CCSER1: variants seen among roughly 807,000 people sequenced by gnomAD.
CCSER1 encodes coiled-coil serine rich protein 1, also known as serine-rich coiled-coil domain-containing protein 1.
In CCSER1, 41 loss-of-function variants were observed where a neutral mutation model predicts 82.0. That is an observed-to-expected ratio of 0.50 (90% CI 0.39 to 0.65). CCSER1 has a LOEUF of 0.65. Among genes scored for constraint, CCSER1 ranks in the 30% least tolerant of loss-of-function variants. CCSER1 has a pLI of 0.00. For missense variants in CCSER1, 1,119 were observed against 1,064.2 expected, an observed-to-expected ratio of 1.05 and a Z score of -0.72; for synonymous variants, 414 against 383.9, an observed-to-expected ratio of 1.08 and a Z score of -0.92.
At chr4:91,080,138 T>C (rs1722540674) in intron 9 of CCSER1, among the ~76,000 whole-genome samples, 3 of 152,106 alleles carry the variant, frequency 2.0e-5, no homozygotes, top group Admixed American at 2.0e-4. Context: ...CACATCACAC[T>C]TACTCCAATA....
intron 10 of CCSER1, among the ~76,000 whole-genome samples, chr4:91,256,930 A>G (rs1740737855): frequency 6.6e-6 from 1 of 152,206 alleles, no homozygotes; most frequent in South Asian, 2.1e-4. Flanking sequence ...TGGCTGACAT[A>G]TTCTTTCTTT....
intron 8 of CCSER1, among the ~76,000 whole-genome samples, chr4:90,824,624 G>A (rs1760176315): frequency 1.3e-5 from 2 of 152,016 alleles, no homozygotes; most frequent in Non-Finnish European, 2.9e-5. Flanking sequence ...CATTCTTTGT[G>A]CATGAAAATC....
chr4:90,424,637 G>A (rs1394923850), intron 4 of CCSER1, among the ~76,000 whole-genome samples: 1 of 152,104 alleles, frequency 6.6e-6, no homozygotes. Flanking sequence ...ATTACTCATA[G>A]TCTACATTTT....
At chr4:90,322,048 A>AT (rs949125965) in intron 3 of CCSER1, among the ~76,000 whole-genome samples, 7 of 151,966 alleles carry the variant, frequency 4.6e-5, no homozygotes, top group Non-Finnish European at 1.0e-4. Flanking sequence ...TAGTCAGGAC[A>AT]TTTTTGCCAA....
At chr4:91,472,357 A>G (rs539786301) in intron 10 of CCSER1, among the ~76,000 whole-genome samples, 3 of 152,342 alleles carry the variant, frequency 2.0e-5, no homozygotes, top group East Asian at 3.9e-4. Flanking sequence ...AAGGAACTCA[A>G]GAGTCTCAAA....
rs549861862 is a variant in CCSER1, at chr4:91,190,969, C to T, written c.2217+104975C>T. Among the ~76,000 whole-genome samples, 53 of 152,216 alleles carry T rather than the reference C, an allele frequency of 3.5e-4. No homozygotes were observed. The East Asian group carries it at 9.8e-3, about 28-fold the overall frequency. On this transcript the variant is annotated intron_variant, in intron 10 of 10. Coordinates refer to ENST00000509176, the MANE Select transcript of CCSER1 (RefSeq NM_001145065.2). ...ATAACACTGCCCACCTGGTTGTTAT[C>T]AGGATTAAATGAGTTAATCAGAATA...
chr4:90,329,184 A>C (rs923010038), intron 3 of CCSER1, among the ~76,000 whole-genome samples: 3 of 152,276 alleles, frequency 2.0e-5, no homozygotes, highest in African/African-American at 7.2e-5. Flanking sequence ...CTTTTTTGTC[A>C]GTTAGATGTG....
At chr4:90,654,726 A>T (rs1287650142) in intron 6 of CCSER1, among the ~76,000 whole-genome samples, 1 of 152,086 alleles carries the variant, frequency 6.6e-6, no homozygotes, top group Non-Finnish European at 1.5e-5. Context: ...TATCTCTGTA[A>T]GTGAAAGAAT....
chr4:91,036,932 G>T (rs550571360), intron 9 of CCSER1, among the ~76,000 whole-genome samples: 2 of 151,956 alleles, frequency 1.3e-5, no homozygotes, highest in South Asian at 2.1e-4. Flanking sequence ...ACAAAAATTA[G>T]CCAGGGGTGG....
intron 1 of CCSER1, among the ~76,000 whole-genome samples, chr4:90,163,746 G>A (rs1382219735): frequency 6.6e-6 from 1 of 151,940 alleles, no homozygotes; most frequent in African/African-American, 2.4e-5. Flanking sequence ...TATTATAAAT[G>A]CTCTAACTTT....
intron 3 of CCSER1, among the ~76,000 whole-genome samples, chr4:90,394,185 C>T (rs920956577): frequency 6.6e-6 from 1 of 150,774 alleles, no homozygotes; most frequent in Non-Finnish European, 1.5e-5. Flanking sequence ...TTCACACTAA[C>T]CAAACATAAG....
intron 5 of CCSER1, among the ~76,000 whole-genome samples, chr4:90,601,897 A>G (rs1448146641): frequency 3.3e-5 from 5 of 151,892 alleles, no homozygotes; most frequent in Non-Finnish European, 7.4e-5. Flanking sequence ...TTTTAATTTT[A>G]TTTGGTCAGA....
intron 5 of CCSER1, among the ~76,000 whole-genome samples, chr4:90,620,113 A>C (rs916838952): frequency 1.3e-5 from 2 of 152,202 alleles, no homozygotes; most frequent in African/African-American, 4.8e-5. Flanking sequence ...TAAAATTAAT[A>C]AAATTTTGGA....
chr4:91,538,138 C>T (rs1406039547), intron 10 of CCSER1, among the ~76,000 whole-genome samples: 1 of 151,932 alleles, frequency 6.6e-6, no homozygotes, highest in Non-Finnish European at 1.5e-5. Flanking sequence ...TTTAAATTTT[C>T]TTGTTTACTC....
At chr4:90,792,899 C>A (rs926494474) in intron 7 of CCSER1, among the ~76,000 whole-genome samples, 4 of 152,104 alleles carry the variant, frequency 2.6e-5, no homozygotes, top group Non-Finnish European at 5.9e-5. Context: ...AAGGGGAGTG[C>A]TGATAGGGCT....
At chr4:90,481,926 G>T (rs930163172) in intron 5 of CCSER1, among the ~76,000 whole-genome samples, 7 of 152,150 alleles carry the variant, frequency 4.6e-5, no homozygotes, top group African/African-American at 7.2e-5. Flanking sequence ...CTATTGATTG[G>T]AATAGTTTCA....
chr4:90,648,127 C>A (rs530555779), intron 6 of CCSER1, among the ~76,000 whole-genome samples: 5 of 151,308 alleles, frequency 3.3e-5, no homozygotes, highest in African/African-American at 1.2e-4. Context: ...GGCTCCTTAC[C>A]GTAGTTATAG....
intron 6 of CCSER1, among the ~76,000 whole-genome samples, chr4:90,633,670 A>C (rs1312341801): frequency 6.6e-6 from 1 of 151,900 alleles, no homozygotes; most frequent in Non-Finnish European, 1.5e-5. Context: ...AAAACCACAA[A>C]TCAGTTAATC....
At chr4:91,305,399 G>T (rs1310000496) in intron 10 of CCSER1, among the ~76,000 whole-genome samples, 1 of 152,004 alleles carries the variant, frequency 6.6e-6, no homozygotes, top group African/African-American at 2.4e-5. Flanking sequence ...GTAAGGTGCA[G>T]AAATTTTTTT....
Sources: allele counts gnomAD v4.1 joint callset (sites outside exome capture counted in the v4.1 genomes callset), GRCh38; gene constraint gnomAD v4.1.1; transcripts MANE v1.5; gene names NCBI Gene and HGNC (gene_info 2026-07-23, HGNC 2026-07-21).